The following CCL3 variants were observed in gnomAD, a reference collection of about 807,000 sequenced individuals.
CCL3 encodes the protein C-C motif chemokine 3.
CCL3 carries 6 observed loss-of-function variants against 8.1 expected under a neutral mutation model. The observed-to-expected ratio is 0.74, with a 90% confidence interval of 0.41 to 1.46. The LOEUF (loss-of-function observed/expected upper bound fraction) is 1.46, where lower values mean the gene tolerates loss of function less well. Ranked by LOEUF, CCL3 falls within the 40% of genes most tolerant of loss-of-function variation. The probability of loss-of-function intolerance (pLI) is 0.02; values close to 1 mark genes in which losing one functional copy is unlikely to be tolerated. For missense variants in CCL3, 109 were observed against 117.7 expected (o/e 0.93, Z 0.34); for synonymous variants, 45 against 45.1 (o/e 1.00, Z 0.01).
rs1377490747 is a variant in CCL3, at chr17:36,089,166, G to T, written c.188+17C>A. 1.2e-6 allele frequency: 2 copies of T among 1,613,762 alleles called. No individual in the cohort carries two copies. Among genetic ancestry groups the T allele is most frequent in the African/African-American group, 2.7e-5 (2 of 74,918 alleles). On this transcript the variant is annotated intron_variant, in intron 2 of 2. Coordinates refer to ENST00000613922, the MANE Select transcript of CCL3 (RefSeq NM_002983.3). The stretch of plus-strand genomic sequence containing the variant: ...CTCCCTACCTCCATAGAGGTGAGCA[G>T]GAAGACTGGCACTTACATGACACCG...
In CCL3 at chr17:36,088,707, G is replaced by T; in HGVS notation, c.244C>A (p.Gln82Lys). ...VCADPSEEWV[Q>K]KYVSDLELSA ...AGCTCCAGGTCGCTGACATATTTCT[G>T]GACCCACTCCTCACTGGGGTCAGCA... Residue 82 changes from glutamine (Q) to lysine (K), a missense_variant, in exon 3 of 3, where the codon CAG (glutamine) becomes AAG (lysine). Gln to Lys is a moderately conservative substitution (Grantham distance 53). Coordinates refer to ENST00000613922, the MANE Select transcript of CCL3 (RefSeq NM_002983.3). The T allele has an allele frequency of 6.2e-7, 1 of 1,613,706 alleles. No homozygotes were observed.
intron 1 of CCL3, chr17:36,089,616 A>G (rs1017203305): frequency 5.7e-5 from 35 of 618,894 alleles, no homozygotes; most frequent in East Asian, 4.2e-4. Flanking sequence ...GACATCTCTC[A>G]TAAGACATCC....
chr17:36,089,224 G>A lies in CCL3; in HGVS notation c.147C>T (p.Asp49=). ...AGCACTGGCTGCTCGTCTCAAAGTA[G>A]TCAGCTATGAAATTCTGTGGAATCT... ...SRQIPQNFIA[D]YFETSSQCSK... is the part of the protein sequence containing the mutation. The change falls in exon 2 of 3, where the codon GAC becomes GAT. Residue 49 remains aspartate (D), a synonymous_variant. Transcript: ENST00000613922. 1 of 1,614,034 alleles carries A rather than the reference G, an allele frequency of 6.2e-7. No individual in the cohort carries two copies. The highest frequency in any genetic ancestry group is 1.3e-5 in the African/African-American group (1 of 75,040).
At chr17:36,089,578 G>A (rs1221612107) in intron 1 of CCL3, 1 of 607,420 alleles carries the variant, frequency 1.6e-6, no homozygotes, top group Non-Finnish European at 2.9e-6. Flanking sequence ...GGTTCAAGAA[G>A]TCATACCCCA....
intron 1 of CCL3, 37 bp downstream of exon 1, chr17:36,089,949 A>G (rs754971072): frequency 6.3e-7 from 1 of 1,583,242 alleles, no homozygotes; most frequent in Non-Finnish European, 8.7e-7. Context: ...AACCATGGCC[A>G]GAGAGTGGTG....
intron 1 of CCL3, chr17:36,089,773 C>T: frequency 1.4e-6 from 1 of 718,894 alleles, no homozygotes; most frequent in Non-Finnish European, 2.6e-6. Flanking sequence ...CTGTAACTCC[C>T]CTGCCCCTGC....
intron 2 of CCL3, 100 bp downstream of exon 2, chr17:36,089,083 C>T: frequency 6.7e-7 from 1 of 1,500,028 alleles, no homozygotes; most frequent in Non-Finnish European, 9.3e-7. Flanking sequence ...CGATAGGCTC[C>T]TGAAGGCTGG....
rs1344273637 is a variant in CCL3 at position 36,089,255 on chromosome 17, G to T, written c.116C>A (p.Ser39Tyr). The T allele has an allele frequency of 6.2e-7, 1 of 1,613,962 alleles. No individual in the cohort carries two copies. The highest frequency in any genetic ancestry group is 1.3e-5 in the African/African-American group (1 of 74,896). Residue 39 changes from serine (S) to tyrosine (Y), a missense_variant, in exon 2 of 3, where the codon TCC (serine) becomes TAC (tyrosine). Transcript: ENST00000613922. ...TATGAAATTCTGTGGAATCTGCCGG[G>T]AGGTGTAGCTGAAGCAGCAGGCGGT... is the stretch of plus-strand genomic sequence containing the variant. ...TPTACCFSYTSRQIPQNFIAD... is the reference protein window; with the variant it reads ...TPTACCFSYTYRQIPQNFIAD...
intron 2 of CCL3, among the ~76,000 whole-genome samples, 155 bp downstream of exon 2, chr17:36,089,028 A>G (rs1218842923): frequency 2.6e-5 from 4 of 152,040 alleles, no homozygotes; most frequent in Admixed American, 6.6e-5. Context: ...GCCTCACTCC[A>G]GCTCCAAGTC....
At chr17:36,089,955 T>C (rs1169147727) in intron 1 of CCL3, 31 bp downstream of exon 1, 1 of 1,593,988 alleles carries the variant, frequency 6.3e-7, no homozygotes, top group Non-Finnish European at 8.6e-7. Context: ...GGCCAGAGAG[T>C]GGTGATACCC....
chr17:36,089,505 G>A (rs1772214394), intron 1 of CCL3: 2 of 634,962 alleles, frequency 3.1e-6, no homozygotes, highest in African/African-American at 1.8e-5. Context: ...CTGTTTCTCT[G>A]TGTGATCCAG....
chr17:36,089,159 G>A, intron 2 of CCL3, 24 bp downstream of exon 2: 1 of 1,613,636 alleles, frequency 6.2e-7, no homozygotes, highest in South Asian at 1.1e-5. Flanking sequence ...CTCCATAGAG[G>A]TGAGCAGGAA....
chr17:36,089,479 C>T (rs923093184), intron 1 of CCL3, 182 bp from the exon 2 acceptor site: 5 of 673,734 alleles, frequency 7.4e-6, no homozygotes, highest in South Asian at 1.8e-5. Context: ...CTCCTTGACT[C>T]TTCATAGTGG....
At position 36,089,638 on chromosome 17, in the gene CCL3, C is replaced by G. The variant is rs548955941; in HGVS notation, c.74-341G>C. The G allele has an allele frequency of 7.5e-5, 48 of 642,220 alleles. No individual in the cohort carries two copies. The African/African-American group carries it at 8.6e-4, about 11-fold the overall frequency. The allele number at this position is 642,220 out of a possible 1,614,324, so 39.8% of individuals were successfully genotyped here. A position where few individuals can be genotyped will look rare whatever the true frequency, so the allele number is the denominator to read the frequency against. ...CTCATAAGACATCCAAGGGACAGAG[C>G]TCCTGGGAGACCTAGAGTGAGCTGG... On this transcript the variant is annotated intron_variant, in intron 1 of 2. Coordinates refer to ENST00000613922, the MANE Select transcript of CCL3 (RefSeq NM_002983.3).
At chr17:36,088,861 C>A in intron 2 of CCL3, 99 bp from the exon 3 acceptor site, 1 of 1,512,294 alleles carries the variant, frequency 6.6e-7, no homozygotes, top group East Asian at 2.3e-5. Context: ...CTGGGCAGCT[C>A]AGGGCTTGCT....
In CCL3 at chr17:36,088,717, C is replaced by A. The variant is rs34171309; in HGVS notation, c.234G>T (p.Glu78Asp). 5.9e-3 allele frequency: 9,601 copies of A among 1,613,780 alleles called. 311 individuals are homozygous for A. The African/African-American group carries it at 0.079, about 13-fold the overall frequency. The change falls in exon 3 of 3, where the codon GAG (glutamate) becomes GAT (aspartate). Residue 78 changes from glutamate (E) to aspartate (D), a missense_variant. Coordinates refer to ENST00000613922, the MANE Select transcript of CCL3 (RefSeq NM_002983.3). Reference sequence around the variant, plus strand: ...CGCTGACATATTTCTGGACCCACTCCTCACTGGGGTCAGCACAGACCTGCC... The same window carrying A: ...CGCTGACATATTTCTGGACCCACTCATCACTGGGGTCAGCACAGACCTGCC... ...RSRQVCADPS[E>D]EWVQKYVSDL... is the part of the protein sequence containing the mutation.
Position 36,088,390 on chromosome 17 carries a change from G to T in CCL3, c.*282C>A, listed in dbSNP as rs1568551897. 1 of 469,342 alleles carries T rather than the reference G, an allele frequency of 2.1e-6. No homozygotes were observed. The highest frequency in any genetic ancestry group is 3.8e-6 in the Non-Finnish European group (1 of 261,954). The allele number at this position is 469,342 out of a possible 1,614,324, so 29.1% of individuals were successfully genotyped here. A position where few individuals can be genotyped will look rare whatever the true frequency, so the allele number is the denominator to read the frequency against. On this transcript the variant is annotated 3_prime_UTR_variant, in exon 3 of 3. Coordinates refer to ENST00000613922, the MANE Select transcript of CCL3 (RefSeq NM_002983.3). The stretch of plus-strand genomic sequence containing the variant: ...TACACAGGCTGATGACAGCCACTCG[G>T]TTGTCACCAGACGCGGTGTGAGGGA...
rs2067030923 is a variant in CCL3, at chr17:36,089,999, C to T, written c.60G>A (p.Gln20=). The change falls in exon 1 of 3, where the codon CAG becomes CAA. Residue 20 remains glutamine, a synonymous_variant. Coordinates refer to ENST00000613922, the MANE Select transcript of CCL3 (RefSeq NM_002983.3). ...VLLCTMALCN[Q]FSASLAADTP... ...ACTCAGACTCACGTGATGCAGAGAA[C>T]TGGTTGCAGAGAGCCATGGTGCAGA... 6.2e-7 allele frequency: 1 copy of T among 1,613,766 alleles called. No homozygotes were observed. The highest frequency in any genetic ancestry group is 8.5e-7 in the Non-Finnish European group (1 of 1,179,958).
intron 1 of CCL3, chr17:36,089,728 C>T (rs1260853959): frequency 1.2e-5 from 8 of 695,596 alleles, no homozygotes; most frequent in East Asian, 5.7e-5. Context: ...CTAACTGATT[C>T]GTTTCGAACC....
Sources: gnomAD v4.1 joint callset for allele counts (sites outside exome capture counted in the v4.1 genomes callset) on GRCh38, gnomAD v4.1.1 for gene constraint, MANE v1.5 for transcripts, NCBI Gene and HGNC (gene_info 2026-07-23, HGNC 2026-07-21) for gene names.